The following KAZN variants were observed in gnomAD, a reference collection of about 807,000 sequenced individuals.
KAZN encodes kazrin, periplakin interacting protein.
In KAZN, 40 loss-of-function variants were observed where a neutral mutation model predicts 87.4. The ratio of observed to expected loss-of-function variants is 0.46; its 90% CI spans 0.36 to 0.60. KAZN has a LOEUF of 0.60. Ranked by LOEUF, KAZN falls within the 20% of genes least tolerant of loss-of-function variation. The pLI, the probability that KAZN is intolerant of heterozygous loss-of-function variation, is 0.00. For synonymous variants in KAZN, 466 were observed against 458.3 expected (o/e 1.02, Z -0.22); for missense variants, 898 against 1,073.9 (o/e 0.84, Z 2.29).
chr1:14,225,990 A>C (rs1438881042), intron 2 of KAZN, among the ~76,000 whole-genome samples: 1 of 152,176 alleles, frequency 6.6e-6, no homozygotes, highest in Non-Finnish European at 1.5e-5. Context: ...CAATTGCAAC[A>C]AAAACAAAAA....
intron 1 of KAZN, among the ~76,000 whole-genome samples, chr1:14,699,216 G>C (rs1374116067): frequency 3.3e-5 from 5 of 152,238 alleles, no homozygotes; most frequent in Admixed American, 3.3e-4. Flanking sequence ...AGCTGTCCTC[G>C]TTGATAAACT....
chr1:14,120,667 G>T (rs1004522869), intron 1 of KAZN, among the ~76,000 whole-genome samples: 1 of 152,154 alleles, frequency 6.6e-6, no homozygotes, highest in Non-Finnish European at 1.5e-5. Flanking sequence ...AGGAGGTAGG[G>T]AGGGAAGATT....
intron 1 of KAZN, among the ~76,000 whole-genome samples, chr1:13,974,622 G>A (rs568275680): frequency 6.6e-6 from 1 of 152,320 alleles, no homozygotes; most frequent in Non-Finnish European, 1.5e-5. Flanking sequence ...AGATGGGAAT[G>A]CTGCTGCCAC....
At chr1:14,428,524 CTGAAAAGCCT>C (rs945746568) in intron 2 of KAZN, among the ~76,000 whole-genome samples, 26 of 152,256 alleles carry the variant, frequency 1.7e-4, no homozygotes, top group African/African-American at 5.8e-4. Flanking sequence ...TTTCTAAAAT[CTGAAAAGCCT>C]TTAAATTATA....
In KAZN at chr1:14,661,524, TG is replaced by T. The variant is rs543312967; in HGVS notation, c.226+62303del. Among the ~76,000 whole-genome samples, 13 of 152,278 alleles carry T rather than the reference TG, an allele frequency of 8.5e-5. 1 individual carries two copies. In the South Asian group the frequency reaches 2.5e-3, roughly 29 times the overall value. On this transcript the variant is annotated intron_variant, in intron 1 of 14. Coordinates refer to ENST00000376030, the MANE Select transcript of KAZN (RefSeq NM_201628.3). ...CAGCTGTAGACAATATGTAAATGAA[TG>T]GATTTGGCTATGTTCCAATAAAACT...
chr1:14,531,927 G>A (rs1672230200), intron 2 of KAZN, among the ~76,000 whole-genome samples: 1 of 152,176 alleles, frequency 6.6e-6, no homozygotes, highest in Non-Finnish European at 1.5e-5. Flanking sequence ...CGGGAGAGAG[G>A]ACCAAGGTAG....
intron 2 of KAZN, among the ~76,000 whole-genome samples, chr1:14,422,920 C>T (rs147897503): frequency 2.0e-5 from 3 of 152,254 alleles, no homozygotes; most frequent in South Asian, 2.1e-4. Context: ...TGACTTCTAA[C>T]AAGGAAACTC....
intron 1 of KAZN, among the ~76,000 whole-genome samples, chr1:14,862,049 C>T (rs1165858162): frequency 6.6e-6 from 1 of 152,158 alleles, no homozygotes; most frequent in African/African-American, 2.4e-5. Flanking sequence ...TGTTGTCAGT[C>T]ATTTGTAATG....
intron 1 of KAZN, among the ~76,000 whole-genome samples, chr1:14,921,304 C>T (rs1248056424): frequency 1.3e-5 from 2 of 152,158 alleles, no homozygotes; most frequent in Non-Finnish European, 2.9e-5. Context: ...CGTATGTGCG[C>T]TTCAGGAGGT....
In KAZN at chr1:15,056,745, C is replaced by T. The variant is rs528037405; in HGVS notation, c.916+465C>T. Reference sequence around the variant, plus strand: ...GGCAGCAGAACTCCTTGATTGACAGCTCTGGCCAATCACAGGGCATCCAAG... The same window carrying T: ...GGCAGCAGAACTCCTTGATTGACAGTTCTGGCCAATCACAGGGCATCCAAG... On this transcript the variant is annotated intron_variant, in intron 5 of 14. Transcript: ENST00000376030. This position sits in a 1 kb window ranked among gnomAD's most constrained non-coding sequence, Gnocchi z 5.4. Among the ~76,000 whole-genome samples, 28 of 152,314 alleles carry T rather than the reference C, an allele frequency of 1.8e-4. No individual in the cohort carries two copies. Among genetic ancestry groups the T allele is most frequent in the African/African-American group, 6.7e-4 (28 of 41,566 alleles).
intron 2 of KAZN, among the ~76,000 whole-genome samples, chr1:14,326,555 G>T (rs1485692217): frequency 1.3e-5 from 2 of 152,134 alleles, no homozygotes; most frequent in Non-Finnish European, 2.9e-5. Flanking sequence ...TCTGCTCAAA[G>T]CCCTCCAATG....
At chr1:15,108,799 A>T (rs75893983) in intron 13 of KAZN, among the ~76,000 whole-genome samples, 2,502 of 152,248 alleles carry the variant, frequency 0.016, 60 homozygotes, top group African/African-American at 0.053. Context: ...CCCATTCTCC[A>T]TAACGTTCCC....
chr1:14,382,458 T>A (rs1571462225), intron 2 of KAZN, among the ~76,000 whole-genome samples: 1 of 38,006 alleles, frequency 2.6e-5, no homozygotes, highest in Non-Finnish European at 4.6e-5. Flanking sequence ...CCCAATGCTA[T>A]CCCTCCCCCC....
intron 1 of KAZN, among the ~76,000 whole-genome samples, chr1:14,930,517 G>A (rs1252804850): frequency 6.6e-6 from 1 of 152,156 alleles, no homozygotes; most frequent in East Asian, 1.9e-4. Flanking sequence ...CCATTAGTGT[G>A]GAAGGATCAT....
intron 1 of KAZN, among the ~76,000 whole-genome samples, chr1:14,812,399 G>T (rs1382943355): frequency 1.3e-5 from 2 of 152,154 alleles, no homozygotes; most frequent in South Asian, 2.1e-4. Flanking sequence ...TCTTCAACTC[G>T]TCTTCAGTGG....
intron 2 of KAZN, among the ~76,000 whole-genome samples, chr1:14,259,126 C>A (rs889630577): frequency 6.6e-6 from 1 of 151,912 alleles, no homozygotes; most frequent in African/African-American, 2.4e-5. Context: ...ATGGTTTCTG[C>A]TTGGAGATGA....
intron 1 of KAZN, among the ~76,000 whole-genome samples, chr1:14,877,668 C>T (rs1423408374): frequency 6.6e-6 from 1 of 152,218 alleles, no homozygotes; most frequent in African/African-American, 2.4e-5. Context: ...TTTCTCCTCT[C>T]TGTGCTTCAG....
At chr1:13,980,483 T>C (rs2101073964) in intron 1 of KAZN, among the ~76,000 whole-genome samples, 1 of 152,276 alleles carries the variant, frequency 6.6e-6, no homozygotes, top group South Asian at 2.1e-4. Context: ...GGTATAGTAA[T>C]ATCAAGGTAG....
intron 2 of KAZN, among the ~76,000 whole-genome samples, chr1:14,279,073 G>A (rs1652642444): frequency 1.3e-5 from 2 of 151,586 alleles, no homozygotes; most frequent in Admixed American, 6.6e-5. Context: ...ATTTATCATA[G>A]ACATAAGGCG....
Sources: allele counts gnomAD v4.1 joint callset (sites outside exome capture counted in the v4.1 genomes callset), GRCh38; gene constraint gnomAD v4.1.1; non-coding constraint Gnocchi (gnomAD v3.1); transcripts MANE v1.5; gene names NCBI Gene and HGNC (gene_info 2026-07-23, HGNC 2026-07-21).